CALR3: variants seen among roughly 807,000 people sequenced by gnomAD.
CALR3 encodes the protein calreticulin-3.
CALR3 carries 39 observed loss-of-function variants against 48.7 expected under a neutral mutation model. The observed-to-expected ratio is 0.80, with a 90% CI of 0.62 to 1.05. The LOEUF (loss-of-function observed/expected upper bound fraction) is 1.05. Among genes scored for constraint, CALR3 ranks in the 50% least tolerant of loss-of-function variants. CALR3 has a pLI of 0.00. For missense variants in CALR3, 449 were observed against 474.7 expected (o/e 0.95, Z 0.50); for synonymous variants, 185 against 172.7 (o/e 1.07, Z -0.56).
Position 16,482,544 on chromosome 19 carries a change from C to A in CALR3, c.824G>T (p.Trp275Leu). The stretch of plus-strand genomic sequence containing the variant: ...GGTATTCTTCATCTTACGGTGGAGC[C>A]AGACGTCTTTATGAATACCTTCTGG... ...LKPEGIHKDVWLHRKMKNTDY... is the reference protein window; with the variant it reads ...LKPEGIHKDVLLHRKMKNTDY... The change falls in exon 7 of 9, where the codon TGG becomes TTG. Residue 275 changes from tryptophan (W) to leucine (L), a missense_variant. By Grantham distance (61) the Trp-to-Leu change is moderately conservative. Coordinates refer to ENST00000269881, the MANE Select transcript of CALR3 (RefSeq NM_145046.5). The A allele has an allele frequency of 6.2e-7, 1 of 1,614,212 alleles. No homozygotes were observed. Among genetic ancestry groups the A allele is most frequent in the African/African-American group, 1.3e-5 (1 of 75,058 alleles).
chr19:16,480,200 C>CAAAAA (rs57759885), intron 8 of CALR3, among the ~76,000 whole-genome samples: 2 of 70,782 alleles, frequency 2.8e-5, no homozygotes, highest in African/African-American at 5.4e-5. Flanking sequence ...GACTCCGTCT[C>CAAAAA]AAAAAAAAAA....
At chr19:16,485,941 A>G (rs371676322) in intron 3 of CALR3, among the ~76,000 whole-genome samples, 30 of 152,248 alleles carry the variant, frequency 2.0e-4, no homozygotes, top group East Asian at 1.2e-3. Context: ...TATAGGTGTG[A>G]GCCACTGCAT....
At chr19:16,484,139 G>T in intron 4 of CALR3, 24 bp from the exon 5 acceptor site, 2 of 1,573,410 alleles carry the variant, frequency 1.3e-6, no homozygotes, top group Non-Finnish European at 8.7e-7. Flanking sequence ...GGGGAAAAGC[G>T]TAACAATTAA....
chr19:16,495,548 G>A (rs1279349165), intron 2 of CALR3, among the ~76,000 whole-genome samples: 1 of 112,056 alleles, frequency 8.9e-6, no homozygotes, highest in Non-Finnish European at 1.7e-5. Context: ...AACAGAGCAA[G>A]GCTCCGTCTC....
At chr19:16,480,397 C>T (rs955765642) in intron 8 of CALR3, among the ~76,000 whole-genome samples, 1 of 151,524 alleles carries the variant, frequency 6.6e-6, no homozygotes, top group African/African-American at 2.4e-5. Flanking sequence ...ACTAAAAATA[C>T]ACAAATTAGC....
intron 4 of CALR3, 105 bp from the exon 5 acceptor site, chr19:16,484,220 C>A: frequency 5.4e-6 from 6 of 1,108,488 alleles, no homozygotes; most frequent in Non-Finnish European, 7.7e-6. Flanking sequence ...CTCTGTCGCC[C>A]AGGTTGGAGC....
intron 1 of CALR3, 60 bp from the exon 2 acceptor site, chr19:16,495,912 A>T: frequency 6.3e-7 from 1 of 1,579,388 alleles, no homozygotes; most frequent in Non-Finnish European, 8.7e-7. Context: ...GGGCTAAGGG[A>T]AGGGTGAAGG....
At chr19:16,491,422 G>T (rs2093397900) in intron 2 of CALR3, among the ~76,000 whole-genome samples, 1 of 150,870 alleles carries the variant, frequency 6.6e-6, no homozygotes, top group African/African-American at 2.4e-5. Context: ...GTGCCCGACT[G>T]GTCCCTTTCC....
At chr19:16,495,721 G>A (rs769726779) in intron 2 of CALR3, 30 bp downstream of exon 2, 13 of 1,535,882 alleles carry the variant, frequency 8.5e-6, no homozygotes, top group Middle Eastern at 1.7e-4. Context: ...TGTAACATTA[G>A]GCTCAATTTG....
At chr19:16,480,199 T>G (rs1387443127) in intron 8 of CALR3, among the ~76,000 whole-genome samples, 1 of 33,046 alleles carries the variant, frequency 3.0e-5, no homozygotes, top group Non-Finnish European at 5.1e-5. Flanking sequence ...AGACTCCGTC[T>G]CAAAAAAAAA....
rs143406433 is a variant in CALR3, at chr19:16,479,549, C to T, written c.1012-275G>A. 9.2e-3 allele frequency among the ~76,000 whole-genome samples: 1,379 copies of T among 149,852 alleles called. 14 individuals are homozygous for T. Among genetic ancestry groups the T allele is most frequent in the Middle Eastern group, 0.021 (6 of 288 alleles). Reference sequence around the variant, plus strand: ...CTTGCAGTGAGCTGAGATCACTCTACTGCACTCCATCCTGGGCGACAGAGC... The same window carrying T: ...CTTGCAGTGAGCTGAGATCACTCTATTGCACTCCATCCTGGGCGACAGAGC... On this transcript the variant is annotated intron_variant, in intron 8 of 8. Coordinates refer to ENST00000269881, the MANE Select transcript of CALR3 (RefSeq NM_145046.5).
intron 7 of CALR3, among the ~76,000 whole-genome samples, chr19:16,481,018 G>A (rs2093379850): frequency 6.6e-6 from 1 of 152,098 alleles, no homozygotes; most frequent in South Asian, 2.1e-4. Context: ...ACCAGGTGTG[G>A]TCGTGCATGC....
At chr19:16,492,922 T>G (rs1405641829) in intron 2 of CALR3, among the ~76,000 whole-genome samples, 1 of 151,516 alleles carries the variant, frequency 6.6e-6, no homozygotes, top group Non-Finnish European at 1.5e-5. Flanking sequence ...CTTAGCTACT[T>G]GGGAGGCTGG....
intron 2 of CALR3, among the ~76,000 whole-genome samples, chr19:16,495,183 G>GC (rs1201127090): frequency 6.9e-6 from 1 of 145,818 alleles, no homozygotes; most frequent in Non-Finnish European, 1.5e-5. Context: ...CCAAGATCGT[G>GC]CCACTGCACT....
intron 7 of CALR3, among the ~76,000 whole-genome samples, chr19:16,481,774 C>T (rs1402801101): frequency 2.0e-5 from 3 of 151,898 alleles, no homozygotes; most frequent in Non-Finnish European, 2.9e-5. Context: ...GCTGGGATTA[C>T]AGGCATGAGC....
chr19:16,491,915 G>A (rs889405840), intron 2 of CALR3, among the ~76,000 whole-genome samples: 5 of 151,052 alleles, frequency 3.3e-5, no homozygotes, highest in African/African-American at 4.9e-5. Context: ...TGCAACCTCC[G>A]CCTCCCAGGT....
At position 16,482,578 on chromosome 19, in the gene CALR3, C is replaced by T. The variant is rs780461586; in HGVS notation, c.790G>A (p.Gly264Ser). ...TTATGAATACCTTCTGGTTTCAGGC[C>T]ATCCTGTATCAAAAAAACCATATGG... The part of the protein sequence containing the change: ...PMLQKPPYQD[G>S]LKPEGIHKDV... Residue 264 changes from glycine to serine, a missense_variant, in exon 7 of 9, where the codon GGC becomes AGC. Transcript: ENST00000269881. 1 of 1,614,156 alleles carries T rather than the reference C, an allele frequency of 6.2e-7. No individual in the cohort carries two copies.
At chr19:16,483,772 G>A in intron 5 of CALR3, 158 bp downstream of exon 5, 1 of 686,234 alleles carries the variant, frequency 1.5e-6, no homozygotes, top group South Asian at 1.6e-5. Flanking sequence ...CTTCAGATGT[G>A]TAGAGATGTG....
At chr19:16,491,836 C>T (rs1310390606) in intron 2 of CALR3, among the ~76,000 whole-genome samples, 1 of 151,150 alleles carries the variant, frequency 6.6e-6, no homozygotes, top group Non-Finnish European at 1.5e-5. Context: ...ACTAAACTTT[C>T]TTTCTTTCTT....
Sources: gnomAD v4.1 joint callset for allele counts (sites outside exome capture counted in the v4.1 genomes callset) on GRCh38, gnomAD v4.1.1 for gene constraint, MANE v1.5 for transcripts, NCBI Gene and HGNC (gene_info 2026-07-23, HGNC 2026-07-21) for gene names.